The following CSMD1 variants were observed in gnomAD, a reference collection of about 807,000 sequenced individuals.
CSMD1 encodes the protein CUB and sushi domain-containing protein 1.
Under a neutral mutation model 417.5 loss-of-function variants are expected in CSMD1, and 213 were observed. The ratio of observed to expected loss-of-function variants is 0.51; its 90% CI spans 0.46 to 0.57. The LOEUF (loss-of-function observed/expected upper bound fraction) is 0.57. Ranked by LOEUF, CSMD1 falls within the 20% of genes least tolerant of loss-of-function variation. CSMD1 has a pLI of 0.00. For synonymous variants in CSMD1, 2,862 were observed against 1,736.8 expected (o/e 1.65, Z -16.11); for missense variants, 6,923 against 4,529.7 (o/e 1.53, Z -15.17).
At chr8:2,946,981 T>C (rs979505091) in intron 68 of CSMD1, among the ~76,000 whole-genome samples, 1 of 152,220 alleles carries the variant, frequency 6.6e-6, no homozygotes, top group African/African-American at 2.4e-5. Context: ...ATGATTATAA[T>C]CAACATCTTT....
intron 2 of CSMD1, among the ~76,000 whole-genome samples, chr8:4,477,407 G>T (rs747359387): frequency 6.6e-6 from 1 of 152,210 alleles, no homozygotes; most frequent in Non-Finnish European, 1.5e-5. Context: ...CGGGGACTTG[G>T]TGCTGAGCAA....
intron 26 of CSMD1, among the ~76,000 whole-genome samples, chr8:3,243,767 A>G (rs2116988768): frequency 1.3e-5 from 2 of 150,544 alleles, no homozygotes; most frequent in South Asian, 4.2e-4. Context: ...TATATAAACA[A>G]TATCATTTAT....
intron 12 of CSMD1, among the ~76,000 whole-genome samples, chr8:3,447,177 G>T (rs934286802): frequency 8.5e-5 from 13 of 152,100 alleles, no homozygotes; most frequent in African/African-American, 2.2e-4. Flanking sequence ...AAGATGAAAA[G>T]AACTCTATGG....
intron 5 of CSMD1, among the ~76,000 whole-genome samples, chr8:3,864,669 C>T (rs190364637): frequency 1.3e-5 from 2 of 152,146 alleles, no homozygotes; most frequent in African/African-American, 2.4e-5. Context: ...CTGAAGAAGA[C>T]ACTTTCGACT....
At chr8:4,558,041 A>G (rs1455112477) in intron 2 of CSMD1, among the ~76,000 whole-genome samples, 2 of 152,220 alleles carry the variant, frequency 1.3e-5, no homozygotes, top group African/African-American at 2.4e-5. Context: ...ATGGCTAACA[A>G]TGCCTTATGT....
At chr8:4,621,298 G>A (rs1801764965) in intron 2 of CSMD1, among the ~76,000 whole-genome samples, 1 of 151,910 alleles carries the variant, frequency 6.6e-6, no homozygotes, top group Admixed American at 6.6e-5. Context: ...AAGTATATAT[G>A]CAACTCATCA....
At chr8:2,981,436 G>A (rs535932142) in intron 54 of CSMD1, among the ~76,000 whole-genome samples, 2 of 152,312 alleles carry the variant, frequency 1.3e-5, no homozygotes, top group Admixed American at 6.5e-5. Flanking sequence ...TCCAGACCTG[G>A]TTCATGACAT....
intron 3 of CSMD1, among the ~76,000 whole-genome samples, chr8:4,199,556 C>T (rs751602175): frequency 2.0e-5 from 3 of 152,128 alleles, no homozygotes; most frequent in Non-Finnish European, 4.4e-5. Flanking sequence ...TCTCGGCTAC[C>T]AAAGGAGCTA....
chr8:4,897,807 G>A lies in CSMD1; in HGVS notation c.85+96525C>T, dbSNP rs140953724. Among the ~76,000 whole-genome samples the A allele has an allele frequency of 1.2e-3, 181 of 152,198 alleles. 2 individuals carry two copies. The highest frequency in any genetic ancestry group is 4.2e-3 in the African/African-American group (175 of 41,470). ...ATATGCCAGTAGATGATACAGAAGAGACAGAGACTTAAATAAGTTTTTGTA... is the reference window on the plus strand; with the variant it reads ...ATATGCCAGTAGATGATACAGAAGAAACAGAGACTTAAATAAGTTTTTGTA... On this transcript the variant is annotated intron_variant, in intron 1 of 69. Coordinates refer to ENST00000635120, the MANE Select transcript of CSMD1 (RefSeq NM_033225.6).
intron 26 of CSMD1, among the ~76,000 whole-genome samples, chr8:3,264,453 C>A (rs141935530): frequency 3.3e-5 from 5 of 152,180 alleles, no homozygotes; most frequent in African/African-American, 1.2e-4. Flanking sequence ...TTATTTCTGT[C>A]AGTTTGAATC....
chr8:4,482,070 T>C (rs577729722), intron 2 of CSMD1, among the ~76,000 whole-genome samples: 10 of 152,322 alleles, frequency 6.6e-5, no homozygotes, highest in East Asian at 3.9e-4. Flanking sequence ...TACAAAATCA[T>C]TGATACAAAG....
At chr8:3,704,283 AC>A (rs758881748) in intron 7 of CSMD1, among the ~76,000 whole-genome samples, 2 of 152,102 alleles carry the variant, frequency 1.3e-5, no homozygotes, top group Non-Finnish European at 2.9e-5. Context: ...AGGATTCAGC[AC>A]AGAAGCCTTC....
chr8:3,878,607 G>A (rs909761639), intron 5 of CSMD1, among the ~76,000 whole-genome samples: 1 of 152,158 alleles, frequency 6.6e-6, no homozygotes, highest in African/African-American at 2.4e-5. Context: ...CGATAAATCT[G>A]TAAGATCTAT....
chr8:3,576,568 T>C (rs1364979728), intron 9 of CSMD1, among the ~76,000 whole-genome samples: 2 of 152,218 alleles, frequency 1.3e-5, no homozygotes, highest in African/African-American at 4.8e-5. Context: ...CATTGATAAG[T>C]GTGTTAAAAT....
chr8:4,443,022 T>G (rs565201791), intron 2 of CSMD1, among the ~76,000 whole-genome samples: 1 of 152,274 alleles, frequency 6.6e-6, no homozygotes, highest in East Asian at 1.9e-4. Context: ...ACTGTCTACT[T>G]TAAAGATTTC....
chr8:4,803,986 G>T (rs1388734976), intron 1 of CSMD1, among the ~76,000 whole-genome samples: 1 of 152,198 alleles, frequency 6.6e-6, no homozygotes, highest in Non-Finnish European at 1.5e-5. Flanking sequence ...GTCAAAGACG[G>T]CAGGAGCCAC....
At chr8:2,965,059 A>C (rs1290701607) in intron 59 of CSMD1, among the ~76,000 whole-genome samples, 2 of 152,110 alleles carry the variant, frequency 1.3e-5, no homozygotes, top group Non-Finnish European at 2.9e-5. Flanking sequence ...CTTCCTCTGC[A>C]CCAGCTGATA....
intron 2 of CSMD1, among the ~76,000 whole-genome samples, chr8:4,530,048 G>A (rs1375127855): frequency 6.6e-6 from 1 of 151,852 alleles, no homozygotes; most frequent in Non-Finnish European, 1.5e-5. Flanking sequence ...CAGAGTAGCT[G>A]GGACTACAGG....
chr8:4,920,896 GAAAAGAAAAGAAAAGAAAAGA>G lies in CSMD1; in HGVS notation c.85+73415_85+73435del, dbSNP rs1563768783. Among the ~76,000 whole-genome samples, 198 of 37,564 alleles carry G rather than the reference GAAAAGAAAAGAAAAGAAAAGA, an allele frequency of 5.3e-3. 12 individuals are homozygous for G. Among genetic ancestry groups the G allele is most frequent in the African/African-American group, 0.013 (178 of 13,496 alleles). The allele number at this position is 37,564 out of a possible 152,430, so 24.6% of individuals were successfully genotyped here. ...GAAAAGAAAAGAAAAGAAAAGAAAA[GAAAAGAAAAGAAAAGAAAAGA>G]AAAGAAAAGAAAGAGAGAAAGAAAG... On this transcript the variant is annotated intron_variant, in intron 1 of 69. Coordinates refer to ENST00000635120, the MANE Select transcript of CSMD1 (RefSeq NM_033225.6).
Sources: gnomAD v4.1 joint callset for allele counts (sites outside exome capture counted in the v4.1 genomes callset) on GRCh38, gnomAD v4.1.1 for gene constraint, MANE v1.5 for transcripts, NCBI Gene and HGNC (gene_info 2026-07-23, HGNC 2026-07-21) for gene names.